The following SOD1 variants were observed in gnomAD, a reference collection of about 807,000 sequenced individuals.
The protein encoded by SOD1 is superoxide dismutase 1.
In SOD1, 8 loss-of-function variants were observed where a neutral mutation model predicts 15.9. The observed-to-expected ratio is 0.50, with a 90% confidence interval of 0.30 to 0.91. SOD1 has a LOEUF of 0.91. Among genes scored for constraint, SOD1 ranks in the 40% least tolerant of loss-of-function variants. The pLI is 0.07. For synonymous variants in SOD1, 86 were observed against 71.2 expected (o/e 1.21, Z -1.04); for missense variants, 137 against 194.5 (o/e 0.70, Z 1.76).
In SOD1 at chr21:31,666,530, C is replaced by T. The variant is rs773793650; in HGVS notation, c.239+12C>T. The T allele has an allele frequency of 6.3e-7, 1 of 1,583,294 alleles. No individual in the cohort carries two copies. The highest frequency in any genetic ancestry group is 1.1e-5 in the South Asian group (1 of 90,130). On this transcript the variant is annotated intron_variant, in intron 3 of 4. Transcript: ENST00000270142. ...AAGGATGAAGAGAGGTAACAAGATG[C>T]TTAACTCTTGTAATAATGGCGATAG... is the stretch of plus-strand genomic sequence containing the variant.
chr21:31,668,534 G>C lies in SOD1; in HGVS notation c.421G>C (p.Ala141Pro). ...TGAAGAAAGTACAAAGACAGGAAACGCTGGAAGTCGTTTGGCTTGTGGTGT... is the reference window on the plus strand; with the variant it reads ...TGAAGAAAGTACAAAGACAGGAAACCCTGGAAGTCGTTTGGCTTGTGGTGT... ...GNEESTKTGN[A>P]GSRLACGVIG... Residue 141 changes from alanine to proline, a missense_variant, in exon 5 of 5, where the codon GCT becomes CCT. Coordinates refer to ENST00000270142, the MANE Select transcript of SOD1 (RefSeq NM_000454.5). 1 of 1,613,908 alleles carries C rather than the reference G, an allele frequency of 6.2e-7. No individual in the cohort carries two copies. Among genetic ancestry groups the C allele is most frequent in the Non-Finnish European group, 8.5e-7 (1 of 1,179,844 alleles).
intron 1 of SOD1, among the ~76,000 whole-genome samples, chr21:31,662,907 C>G (rs914215417): frequency 3.3e-5 from 5 of 151,730 alleles, no homozygotes; most frequent in Admixed American, 2.0e-4. Flanking sequence ...CCCAGCTACT[C>G]AGGAGGCTGA....
At chr21:31,663,013 CA>C (rs1036862755) in intron 1 of SOD1, among the ~76,000 whole-genome samples, 52 of 126,392 alleles carry the variant, frequency 4.1e-4, no homozygotes, top group Middle Eastern at 4.2e-3. Context: ...AGACTCGTCT[CA>C]AAAAAAAAAA....
intron 1 of SOD1, among the ~76,000 whole-genome samples, chr21:31,663,072 T>G (rs1000042332): frequency 1.4e-5 from 2 of 144,492 alleles, no homozygotes; most frequent in Non-Finnish European, 3.0e-5. Context: ...GAGTGGGGAG[T>G]GGAGAGCAGG....
chr21:31,668,154 G>C (rs577604275), intron 4 of SOD1, among the ~76,000 whole-genome samples: 1 of 152,082 alleles, frequency 6.6e-6, no homozygotes, highest in South Asian at 2.1e-4. Flanking sequence ...GAGTGACTGC[G>C]GAACTAAGGT....
intron 2 of SOD1, among the ~76,000 whole-genome samples, chr21:31,665,993 A>G (rs1268216648): frequency 5.4e-5 from 7 of 130,086 alleles, no homozygotes; most frequent in Admixed American, 8.3e-5. Context: ...TTTTTTTGAG[A>G]TGGAGTCTTG....
chr21:31,661,639 GGCGTGAGCCACC>G, intron 1 of SOD1: 1 of 152,588 alleles, frequency 6.6e-6, no homozygotes, highest in Admixed American at 6.5e-5. Flanking sequence ...TGGGATTACA[GGCGTGAGCCACC>G]CCGCCCGGCC....
At chr21:31,659,888 TC>T in intron 1 of SOD1, 47 bp downstream of exon 1, 1 of 1,581,640 alleles carries the variant, frequency 6.3e-7, no homozygotes, top group Non-Finnish European at 8.6e-7. Flanking sequence ...TCCCACCCGC[TC>T]GTCCCCCCGC....
intron 4 of SOD1, among the ~76,000 whole-genome samples, chr21:31,667,707 G>A (rs2049608503): frequency 6.6e-6 from 1 of 152,142 alleles, no homozygotes; most frequent in Non-Finnish European, 1.5e-5. Flanking sequence ...AGAACATTTT[G>A]TTAAGTTTAA....
intron 1 of SOD1, among the ~76,000 whole-genome samples, chr21:31,661,215 T>C (rs748845258): frequency 2.0e-5 from 3 of 152,250 alleles, no homozygotes; most frequent in Non-Finnish European, 4.4e-5. Flanking sequence ...GTCTGAAATA[T>C]ATGTGAGGGA....
At chr21:31,664,167 TTCA>T (rs2049573228) in intron 2 of SOD1, 2 of 384,314 alleles carry the variant, frequency 5.2e-6, no homozygotes, top group African/African-American at 4.2e-5. Context: ...GAGGTGGGGT[TTCA>T]TCATGTTGCC....
At chr21:31,660,560 G>C (rs1330199434) in intron 1 of SOD1, 2 of 152,166 alleles carry the variant, frequency 1.3e-5, no homozygotes, top group Non-Finnish European at 2.9e-5. Context: ...CTAAGCTCCG[G>C]GAGCCAGAGG....
At position 31,668,607 on chromosome 21, in the gene SOD1, C is replaced by T. The variant is rs1372553840; in HGVS notation, c.*29C>T. 2.8e-6 allele frequency: 4 copies of T among 1,429,490 alleles called. No individual in the cohort carries two copies. The highest frequency in any genetic ancestry group is 1.7e-5 in the Admixed American group (1 of 59,714). The allele number at this position is 1,429,490 out of a possible 1,614,324, so 88.6% of individuals were successfully genotyped here. On this transcript the variant is annotated 3_prime_UTR_variant, in exon 5 of 5. Coordinates refer to ENST00000270142, the MANE Select transcript of SOD1 (RefSeq NM_000454.5). ...TTCCCTTGGATGTAGTCTGAGGCCCCTTAACTCATCTGTTATCCTGCTAGC... is the reference window on the plus strand; with the variant it reads ...TTCCCTTGGATGTAGTCTGAGGCCCTTTAACTCATCTGTTATCCTGCTAGC...
At chr21:31,660,718 G>A (rs2049541550) in intron 1 of SOD1, 1 of 152,212 alleles carries the variant, frequency 6.6e-6, no homozygotes, top group Admixed American at 6.5e-5. Flanking sequence ...GGTGAGTATT[G>A]CTGTTTTTTG....
rs1014736600 is a variant in SOD1 at position 31,666,521 on chromosome 21, A to G, written c.239+3A>G. 3 of 1,603,912 alleles carry G rather than the reference A, an allele frequency of 1.9e-6. No homozygotes were observed. In the African/African-American group the frequency reaches 4.0e-5, roughly 21 times the overall value. On this transcript the variant is annotated splice_donor_region_variant and intron_variant, in intron 3 of 4. Transcript: ENST00000270142. The stretch of plus-strand genomic sequence containing the variant: ...GGTGGGCCAAAGGATGAAGAGAGGT[A>G]ACAAGATGCTTAACTCTTGTAATAA...
At chr21:31,665,657 G>A (rs1474358575) in intron 2 of SOD1, among the ~76,000 whole-genome samples, 1 of 152,146 alleles carries the variant, frequency 6.6e-6, no homozygotes, top group East Asian at 1.9e-4. Flanking sequence ...TTCTACACAG[G>A]ATACAGTTGG....
chr21:31,666,622 C>G, intron 3 of SOD1, 104 bp downstream of exon 3: 2 of 936,700 alleles, frequency 2.1e-6, no homozygotes, highest in South Asian at 1.4e-5. Context: ...TTTCCCCCAC[C>G]TTTGCTTTTG....
chr21:31,662,542 A>G lies in SOD1; in HGVS notation c.73-1248A>G, dbSNP rs553704871. Among the ~76,000 whole-genome samples, 11 of 152,270 alleles carry G rather than the reference A, an allele frequency of 7.2e-5. No individual in the cohort carries two copies. The South Asian group carries it at 1.9e-3, about 26-fold the overall frequency. ...TTTCTGTATGTAGCCACGGAGCACC[A>G]TTACCTGTCACCATTACCTGAATGG... On this transcript the variant is annotated intron_variant, in intron 1 of 4. Transcript: ENST00000270142.
At chr21:31,662,956 A>C (rs1309455768) in intron 1 of SOD1, among the ~76,000 whole-genome samples, 1 of 151,862 alleles carries the variant, frequency 6.6e-6, no homozygotes, top group Non-Finnish European at 1.5e-5. Flanking sequence ...CGGAGCTTGC[A>C]GTGAGCCGAG....
Sources: allele counts gnomAD v4.1 joint callset (sites outside exome capture counted in the v4.1 genomes callset), GRCh38; gene constraint gnomAD v4.1.1; transcripts MANE v1.5; gene names NCBI Gene and HGNC (gene_info 2026-07-23, HGNC 2026-07-21).